TMTC1: variants seen among roughly 807,000 people sequenced by gnomAD.
The protein encoded by TMTC1 is protein O-mannosyl-transferase TMTC1.
Under a neutral mutation model 104.8 loss-of-function variants are expected in TMTC1, and 73 were observed. The ratio of observed to expected loss-of-function variants is 0.70; its 90% CI spans 0.58 to 0.85. The LOEUF (loss-of-function observed/expected upper bound fraction) is 0.85, where lower values mean the gene tolerates loss of function less well. Among genes scored for constraint, TMTC1 ranks in the 40% least tolerant of loss-of-function variants. The pLI, the probability that TMTC1 is intolerant of heterozygous loss-of-function variation, is 0.00. For missense variants in TMTC1, 1,035 were observed against 1,096.1 expected, an observed-to-expected ratio of 0.94 and a Z score of 0.79; for synonymous variants, 434 against 428.7, an observed-to-expected ratio of 1.01 and a Z score of -0.15.
At chr12:29,649,581 T>C (rs536293891) in intron 5 of TMTC1, among the ~76,000 whole-genome samples, 4 of 152,240 alleles carry the variant, frequency 2.6e-5, no homozygotes, top group Non-Finnish European at 5.9e-5. Flanking sequence ...AATCACACTG[T>C]GTTGTATTTT....
intron 6 of TMTC1, among the ~76,000 whole-genome samples, chr12:29,616,300 A>G (rs1045182624): frequency 6.6e-6 from 1 of 152,018 alleles, no homozygotes; most frequent in Non-Finnish European, 1.5e-5. Context: ...TCTATAACCT[A>G]CTCCCCAAAA....
At chr12:29,550,866 G>C (rs1373352630) in intron 10 of TMTC1, among the ~76,000 whole-genome samples, 1 of 148,436 alleles carries the variant, frequency 6.7e-6, no homozygotes, top group Non-Finnish European at 1.5e-5. Context: ...TGCTGGACTG[G>C]GCTTTAAAAG....
intron 9 of TMTC1, among the ~76,000 whole-genome samples, chr12:29,568,455 C>A (rs950457025): frequency 2.0e-5 from 3 of 152,240 alleles, no homozygotes; most frequent in South Asian, 2.1e-4. Flanking sequence ...AATTACATTG[C>A]AAATCTCTTT....
intron 4 of TMTC1, among the ~76,000 whole-genome samples, chr12:29,754,694 T>C (rs1332732679): frequency 6.6e-6 from 1 of 152,100 alleles, no homozygotes; most frequent in Non-Finnish European, 1.5e-5. Context: ...TGGGTCAAAG[T>C]GATTATTTGG....
At chr12:29,666,155 C>A in intron 5 of TMTC1, 1 of 431,006 alleles carries the variant, frequency 2.3e-6, no homozygotes, top group Admixed American at 2.8e-5. Flanking sequence ...GCAAGATGAT[C>A]AATAAATGCT....
intron 9 of TMTC1, among the ~76,000 whole-genome samples, chr12:29,559,506 C>T (rs74236385): frequency 0.016 from 2,381 of 152,170 alleles, 44 homozygotes; most frequent in East Asian, 0.055. Flanking sequence ...AAAACAAAAG[C>T]GAATAGTAAG....
chr12:29,767,210 C>A (rs1049175391), intron 2 of TMTC1, among the ~76,000 whole-genome samples: 2 of 152,170 alleles, frequency 1.3e-5, no homozygotes, highest in Non-Finnish European at 1.5e-5. Context: ...GTCTCAGCCT[C>A]CCAAAGTGCT....
At chr12:29,737,553 G>C (rs184895051) in intron 5 of TMTC1, among the ~76,000 whole-genome samples, 7 of 152,146 alleles carry the variant, frequency 4.6e-5, no homozygotes, top group Admixed American at 3.3e-4. Context: ...GCGGCGGGAG[G>C]GGGGAAGCCA....
intron 5 of TMTC1, among the ~76,000 whole-genome samples, chr12:29,731,904 C>T (rs1436244684): frequency 6.6e-6 from 1 of 152,038 alleles, no homozygotes; most frequent in African/African-American, 2.4e-5. Flanking sequence ...CTGCTCATTC[C>T]TTTTTCTCTC....
intron 5 of TMTC1, among the ~76,000 whole-genome samples, chr12:29,734,856 T>G (rs1217957330): frequency 1.3e-5 from 2 of 152,178 alleles, no homozygotes; most frequent in Non-Finnish European, 2.9e-5. Flanking sequence ...TTTAACTGAT[T>G]AAAGTGATTG....
At chr12:29,608,628 A>T (rs1592315938) in intron 6 of TMTC1, among the ~76,000 whole-genome samples, 1 of 152,180 alleles carries the variant, frequency 6.6e-6, no homozygotes, top group African/African-American at 2.4e-5. Context: ...TGTGTGATAG[A>T]TTCGCTATTA....
In TMTC1 at chr12:29,675,855, G is replaced by A. The variant is rs568143311; in HGVS notation, c.939-42519C>T. ...ATTGTTCCATGAAAGTAACAAAATG[G>A]AAAGGAGGGAAGGAAGAGACAAGGG... On this transcript the variant is annotated intron_variant, in intron 5 of 17. Coordinates refer to ENST00000539277, the MANE Select transcript of TMTC1 (RefSeq NM_001193451.2). Among the ~76,000 whole-genome samples, 5 of 152,252 alleles carry A rather than the reference G, an allele frequency of 3.3e-5. No homozygotes were observed. In the South Asian group the frequency reaches 1.0e-3, roughly 32 times the overall value.
At chr12:29,696,215 G>T (rs1249264638) in intron 5 of TMTC1, among the ~76,000 whole-genome samples, 1 of 152,122 alleles carries the variant, frequency 6.6e-6, no homozygotes, top group East Asian at 1.9e-4. Context: ...TTTGTGCTTG[G>T]GGAAAAGATG....
At chr12:29,530,458 T>TG (rs950714198) in intron 11 of TMTC1, among the ~76,000 whole-genome samples, 4 of 152,214 alleles carry the variant, frequency 2.6e-5, no homozygotes, top group African/African-American at 9.6e-5. Flanking sequence ...TGCTTCTAGC[T>TG]GGTCCATGGA....
chr12:29,672,461 C>T (rs1038009969), intron 5 of TMTC1, among the ~76,000 whole-genome samples: 4 of 152,136 alleles, frequency 2.6e-5, no homozygotes, highest in African/African-American at 9.7e-5. Flanking sequence ...CAGGTCAGTC[C>T]ATTTGAATCT....
intron 2 of TMTC1, among the ~76,000 whole-genome samples, chr12:29,765,962 T>C (rs1004097149): frequency 6.6e-6 from 1 of 152,182 alleles, no homozygotes; most frequent in Non-Finnish European, 1.5e-5. Flanking sequence ...AAGTCCTCCT[T>C]TAATTTGGTT....
chr12:29,752,330 A>C (rs1282111429), intron 4 of TMTC1, among the ~76,000 whole-genome samples: 2 of 152,166 alleles, frequency 1.3e-5, no homozygotes, highest in African/African-American at 4.8e-5. Context: ...CAGTTATGTG[A>C]GTAACTCACA....
intron 5 of TMTC1, among the ~76,000 whole-genome samples, chr12:29,727,860 AGCTCACT>A: frequency 6.6e-6 from 1 of 152,250 alleles, no homozygotes; most frequent in African/African-American, 2.4e-5. Context: ...CCACAATCAT[AGCTCACT>A]GCAGCCTTGA....
chr12:29,517,357 G>T, intron 14 of TMTC1, 70 bp downstream of exon 14: 1 of 1,557,836 alleles, frequency 6.4e-7, no homozygotes, highest in South Asian at 1.2e-5. Flanking sequence ...TTTGAGGCGT[G>T]AGGACTACAG....
Sources: gnomAD v4.1 joint callset for allele counts (sites outside exome capture counted in the v4.1 genomes callset) on GRCh38, gnomAD v4.1.1 for gene constraint, MANE v1.5 for transcripts, NCBI Gene and HGNC (gene_info 2026-07-23, HGNC 2026-07-21) for gene names.